Variants in GPR55 observed in about 807,000 individuals in gnomAD.
The protein encoded by GPR55 is G protein-coupled receptor 55.
A neutral mutation model predicts 7.9 loss-of-function variants in GPR55; 6 were observed. The observed-to-expected ratio is 0.76, with a 90% CI of 0.41 to 1.49. The LOEUF (loss-of-function observed/expected upper bound fraction) is 1.49. GPR55 is among the 40% of genes most tolerant of loss of function. The pLI is 0.01. For missense variants in GPR55, 376 were observed against 406.0 expected (o/e 0.93, Z 0.63); for synonymous variants, 183 against 166.8 (o/e 1.10, Z -0.75).
At chr2:230,949,650 T>C (rs895368581) in intron 1 of GPR55, among the ~76,000 whole-genome samples, 1 of 151,676 alleles carries the variant, frequency 6.6e-6, no homozygotes, top group African/African-American at 2.4e-5. Context: ...AATACTGAAA[T>C]GTTGTTAGTA....
In GPR55 at chr2:230,924,831, G is replaced by A. The variant is rs370198394; in HGVS notation, c.-135+337C>T. Among the ~76,000 whole-genome samples, 20 of 152,252 alleles carry A rather than the reference G, an allele frequency of 1.3e-4. No individual in the cohort carries two copies. The highest frequency in any genetic ancestry group is 9.7e-4 in the East Asian group (5 of 5,172). On this transcript the variant is annotated intron_variant, in intron 1 of 1. Transcript: ENST00000650999. The surrounding 1 kb of genome is among the most constrained non-coding windows in gnomAD (Gnocchi z 4.5). ...CGGTGGCACGTGAGCTACATGCCCC[G>A]GGAAGGCTCCCAGGCTGCCTATGGG...
chr2:230,942,223 C>G (rs1328400773), intron 1 of GPR55, among the ~76,000 whole-genome samples: 4 of 152,222 alleles, frequency 2.6e-5, no homozygotes, highest in African/African-American at 9.7e-5. Flanking sequence ...GGGCAGACCC[C>G]TGAGAATGCC....
upstream of GPR55, among the ~76,000 whole-genome samples, chr2:230,929,430 C>A (rs573855901): frequency 1.3e-5 from 2 of 152,286 alleles, no homozygotes; most frequent in East Asian, 3.9e-4. Flanking sequence ...GAGTAAAACA[C>A]GCAAGGGGGC....
chr2:230,931,393 G>C (rs962644827), intron 1 of GPR55, among the ~76,000 whole-genome samples: 1 of 152,146 alleles, frequency 6.6e-6, no homozygotes, highest in Non-Finnish European at 1.5e-5. Flanking sequence ...AAGCACAGAG[G>C]GCTGGAGCCC....
At chr2:230,931,556 G>A (rs1691037600) in intron 1 of GPR55, among the ~76,000 whole-genome samples, 1 of 152,082 alleles carries the variant, frequency 6.6e-6, no homozygotes, top group African/African-American at 2.4e-5. Context: ...TTACAGGGTG[G>A]AAATGGAGGC....
chr2:230,936,400 A>T (rs1346658434), intron 1 of GPR55, among the ~76,000 whole-genome samples: 19 of 152,082 alleles, frequency 1.2e-4, no homozygotes, highest in Admixed American at 1.2e-3. Flanking sequence ...TTCTCATGAG[A>T]TCTGATGGTT....
upstream of GPR55, among the ~76,000 whole-genome samples, chr2:230,928,146 G>T (rs1464291517): frequency 6.6e-6 from 1 of 152,182 alleles, no homozygotes; most frequent in Non-Finnish European, 1.5e-5. Context: ...CTGGAAGCTG[G>T]CCAGGCAGGA....
chr2:230,947,778 A>G (rs767874035), intron 1 of GPR55, among the ~76,000 whole-genome samples: 2 of 152,086 alleles, frequency 1.3e-5, no homozygotes, highest in Non-Finnish European at 2.9e-5. Flanking sequence ...CTGGGATTAC[A>G]AGTGTCGACC....
In GPR55 at chr2:230,910,923, C is replaced by G. The variant is rs377043279; in HGVS notation, c.40G>C (p.Gly14Arg). ...QNTSGDCLFD[G>R]VNELMKTLQF... ...AGGGTTTTCATCAGCTCGTTGACAC[C>G]GTCAAACAGGCAGTCCCCACTGGTG... Residue 14 changes from glycine (G) to arginine (R), a missense_variant, in exon 2 of 2, where the codon GGT (glycine) becomes CGT (arginine). By Grantham distance (125) the Gly-to-Arg change is moderately radical. Transcript: ENST00000650999. The surrounding 1 kb of genome is among the most constrained non-coding windows in gnomAD (Gnocchi z 5.4). 25 of 1,609,306 alleles carry G rather than the reference C, an allele frequency of 1.6e-5. No individual in the cohort carries two copies. Among genetic ancestry groups the G allele is most frequent in the African/African-American group, 4.0e-5 (3 of 74,856 alleles).
rs1463224372 is a variant in GPR55 at position 230,908,982 on chromosome 2, T to TC, written c.*1020_*1021insG. 1 of 152,296 alleles carries TC rather than the reference T, an allele frequency of 6.6e-6. No individual in the cohort carries two copies. Among genetic ancestry groups the TC allele is most frequent in the Admixed American group, 6.5e-5 (1 of 15,284 alleles). The allele number at this position is 152,296 out of a possible 1,614,324, so 9.4% of individuals were successfully genotyped here. A position where few individuals can be genotyped will look rare whatever the true frequency, so the allele number is the denominator to read the frequency against. Reference sequence around the variant, plus strand: ...CATGGGCAGTGCCACGGGTGCCAGCTGCCCAGCCAGGATGCAGGTGAGTAA... The same window carrying TC: ...CATGGGCAGTGCCACGGGTGCCAGCTCGCCCAGCCAGGATGCAGGTGAGTAA... On this transcript the variant is annotated 3_prime_UTR_variant, in exon 2 of 2. Coordinates refer to ENST00000650999, the MANE Select transcript of GPR55 (RefSeq NM_005683.4).
chr2:230,911,672 T>A (rs1208700217), intron 1 of GPR55, among the ~76,000 whole-genome samples: 1 of 152,106 alleles, frequency 6.6e-6, no homozygotes, highest in Non-Finnish European at 1.5e-5. Context: ...AGATATAAGG[T>A]CTGCAGCTGC....
chr2:230,958,091 G>A, intron 1 of GPR55: 2 of 257,346 alleles, frequency 7.8e-6, no homozygotes, highest in Non-Finnish European at 1.6e-5. Flanking sequence ...AAGAAAGAAA[G>A]GAAGAAAATT....
chr2:230,957,776 T>C (rs1475656783), intron 1 of GPR55: 1 of 553,944 alleles, frequency 1.8e-6, no homozygotes. Context: ...TCATGTGATG[T>C]TGGAGTAGGA....
intron 1 of GPR55, among the ~76,000 whole-genome samples, chr2:230,941,563 C>T (rs1691233903): frequency 1.3e-5 from 2 of 152,166 alleles, no homozygotes; most frequent in East Asian, 1.9e-4. Flanking sequence ...CCTACCACCT[C>T]GTGACTTTCC....
chr2:230,955,631 A>C (rs1441472181), intron 1 of GPR55, among the ~76,000 whole-genome samples: 1 of 152,278 alleles, frequency 6.6e-6, no homozygotes. Context: ...TCAAATGTAG[A>C]GAAGGATTAC....
chr2:230,910,511 G>T lies in GPR55; in HGVS notation c.452C>A (p.Thr151Asn), dbSNP rs1690564766. ...ICCTIWVLVW[T>N]GSIPIYSFHG... ...GAAACTGTAGATAGGGATGCTTCCG[G>T]TCCACACCAGGACCCAGATGGTGCA... Residue 151 changes from threonine to asparagine, a missense_variant, in exon 2 of 2, where the codon ACC becomes AAC. Physicochemically the swap from Thr to Asn is moderately conservative, Grantham distance 65. Transcript: ENST00000650999. This position sits in a 1 kb window ranked among gnomAD's most constrained non-coding sequence, Gnocchi z 5.4. 2 of 1,614,120 alleles carry T rather than the reference G, an allele frequency of 1.2e-6. No individual in the cohort carries two copies. Among genetic ancestry groups the T allele is most frequent in the Non-Finnish European group, 1.7e-6 (2 of 1,179,988 alleles).
chr2:230,935,550 C>T (rs992823926), intron 1 of GPR55, among the ~76,000 whole-genome samples: 6 of 152,198 alleles, frequency 3.9e-5, no homozygotes, highest in African/African-American at 9.7e-5. Flanking sequence ...GAACTGTGCG[C>T]ACCCATCCAG....
chr2:230,948,157 T>C (rs1356717871), intron 1 of GPR55, among the ~76,000 whole-genome samples: 5 of 140,254 alleles, frequency 3.6e-5, no homozygotes, highest in Non-Finnish European at 4.6e-5. Flanking sequence ...GCACAGCCCC[T>C]ATGCTTGGTC....
chr2:230,948,029 T>C (rs1691346232), intron 1 of GPR55, among the ~76,000 whole-genome samples: 1 of 152,182 alleles, frequency 6.6e-6, no homozygotes, highest in South Asian at 2.1e-4. Flanking sequence ...GCCCGGCTCC[T>C]TTGTGACATG....
Sources: gnomAD v4.1 joint callset for allele counts (sites outside exome capture counted in the v4.1 genomes callset) on GRCh38, gnomAD v4.1.1 for gene constraint, Gnocchi (gnomAD v3.1) non-coding constraint, MANE v1.5 for transcripts, NCBI Gene and HGNC (gene_info 2026-07-23, HGNC 2026-07-21) for gene names.